The following RYR3 variants were observed in gnomAD, a reference collection of about 807,000 sequenced individuals.
RYR3 encodes the protein ryanodine receptor 3, also known as brain ryanodine receptor-calcium release channel.
A neutral mutation model predicts 584.3 loss-of-function variants in RYR3; 207 were observed. The observed-to-expected ratio is 0.35, with a 90% CI of 0.32 to 0.40. The LOEUF (loss-of-function observed/expected upper bound fraction) is 0.40. Ranked by LOEUF, RYR3 falls within the 10% of genes least tolerant of loss-of-function variation. RYR3 has a pLI of 1.00. For synonymous variants in RYR3, 2,416 were observed against 2,248.5 expected (o/e 1.07, Z -2.11); for missense variants, 5,616 against 6,089.2 (o/e 0.92, Z 2.59).
rs2053605693 is a variant in RYR3, at chr15:33,517,332, T to TC, written c.280-13260_280-13259insC. Among the ~76,000 whole-genome samples the TC allele has an allele frequency of 2.6e-5, 4 of 152,234 alleles. No homozygotes were observed. The East Asian group carries it at 7.7e-4, about 29-fold the overall frequency. The stretch of plus-strand genomic sequence containing the variant: ...AATAACCTTTCTGATTTTGTCTTTA[T>TC]AATCCAGTGATTGAAAAAGAAGCTT... On this transcript the variant is annotated intron_variant, in intron 3 of 103. Transcript: ENST00000634891.
intron 32 of RYR3, among the ~76,000 whole-genome samples, chr15:33,656,729 T>C (rs2062841190): frequency 6.6e-6 from 1 of 152,196 alleles, no homozygotes; most frequent in African/African-American, 2.4e-5. Context: ...CTGAGGCCCC[T>C]GTTTCCTTGC....
In RYR3 at chr15:33,595,165, G is replaced by A. The variant is rs1048421818; in HGVS notation, c.1789-6254G>A. On this transcript the variant is annotated intron_variant, in intron 16 of 103. Transcript: ENST00000634891. ...TTGATACTACAAAATAGGATTACAGGTCATTGTAAAGTCATTTATTTAAGT... is the reference window on the plus strand; with the variant it reads ...TTGATACTACAAAATAGGATTACAGATCATTGTAAAGTCATTTATTTAAGT... Among the ~76,000 whole-genome samples the A allele has an allele frequency of 7.2e-5, 11 of 152,230 alleles. No homozygotes were observed. The East Asian group carries it at 1.4e-3, about 19-fold the overall frequency.
rs1008609081 is a variant in RYR3 at position 33,579,674 on chromosome 15, G to A, written c.1269-302G>A. ...AGACATTCAGTGAATACCCATTGAC[G>A]CTATGTGCTGAAATATTACAGTAAT... is the stretch of plus-strand genomic sequence containing the variant. On this transcript the variant is annotated intron_variant, in intron 12 of 103. Transcript: ENST00000634891. Among the ~76,000 whole-genome samples, 4 of 152,104 alleles carry A rather than the reference G, an allele frequency of 2.6e-5. No homozygotes were observed. The East Asian group carries it at 7.7e-4, about 29-fold the overall frequency.
chr15:33,782,598 A>T (rs541905763), intron 65 of RYR3, among the ~76,000 whole-genome samples: 37 of 152,316 alleles, frequency 2.4e-4, no homozygotes, highest in African/African-American at 8.4e-4. Context: ...AGCTGTAAGA[A>T]GGTAGACTTC....
intron 52 of RYR3, among the ~76,000 whole-genome samples, chr15:33,743,270 T>C (rs1433082771): frequency 3.9e-5 from 6 of 152,168 alleles, no homozygotes; most frequent in Non-Finnish European, 7.4e-5. Context: ...GAGCTGATGA[T>C]AACAGCTATC....
At chr15:33,435,808 G>A (rs553044273) in intron 1 of RYR3, among the ~76,000 whole-genome samples, 71 of 152,292 alleles carry the variant, frequency 4.7e-4, no homozygotes, top group African/African-American at 1.7e-3. Context: ...AGAGTGAGCA[G>A]CAGCAGCAAG....
At chr15:33,327,298 C>T (rs1969841038) in intron 1 of RYR3, among the ~76,000 whole-genome samples, 1 of 152,188 alleles carries the variant, frequency 6.6e-6, no homozygotes, top group Non-Finnish European at 1.5e-5. Flanking sequence ...ATCCCTCATA[C>T]CTCACACTGT....
At chr15:33,361,938 C>T (rs963275120) in intron 1 of RYR3, among the ~76,000 whole-genome samples, 2 of 152,126 alleles carry the variant, frequency 1.3e-5, no homozygotes, top group Non-Finnish European at 2.9e-5. Context: ...CCAAGCCCAG[C>T]ATCTTCCTCA....
At chr15:33,598,566 A>G (rs2059502856) in intron 16 of RYR3, among the ~76,000 whole-genome samples, 1 of 152,076 alleles carries the variant, frequency 6.6e-6, no homozygotes, top group Non-Finnish European at 1.5e-5. Context: ...ACAGAATCCC[A>G]AACCAGTTTC....
At chr15:33,682,157 G>T (rs2064672131) in intron 38 of RYR3, among the ~76,000 whole-genome samples, 1 of 152,152 alleles carries the variant, frequency 6.6e-6, no homozygotes, top group Non-Finnish European at 1.5e-5. Flanking sequence ...TCTCATAAGG[G>T]TCACACATGG....
chr15:33,499,046 A>T (rs999544262), intron 2 of RYR3, among the ~76,000 whole-genome samples: 1 of 152,036 alleles, frequency 6.6e-6, no homozygotes, highest in African/African-American at 2.4e-5. Context: ...TTTCCTACAT[A>T]ACTTGCTCTA....
intron 1 of RYR3, among the ~76,000 whole-genome samples, chr15:33,416,488 T>G (rs1004524397): frequency 6.6e-6 from 1 of 152,180 alleles, no homozygotes; most frequent in African/African-American, 2.4e-5. Context: ...TTTGGCTATT[T>G]GTATGTCTTT....
intron 1 of RYR3, among the ~76,000 whole-genome samples, chr15:33,406,068 T>A (rs2042998271): frequency 6.6e-6 from 1 of 152,204 alleles, no homozygotes; most frequent in South Asian, 2.1e-4. Flanking sequence ...GACATGTTAT[T>A]CTGGAGATCC....
chr15:33,624,075 T>G, intron 20 of RYR3, 52 bp downstream of exon 20: 1 of 1,193,948 alleles, frequency 8.4e-7, no homozygotes, highest in African/African-American at 1.5e-5. Flanking sequence ...AGCAATAGAG[T>G]TAAATACTTC....
At chr15:33,577,776 A>G (rs8039434) in intron 12 of RYR3, among the ~76,000 whole-genome samples, 27,699 of 152,178 alleles carry the variant, frequency 0.18, 4,359 homozygotes, top group African/African-American at 0.43. Context: ...ATGGGATCCA[A>G]TTAAACTAAA....
intron 47 of RYR3, among the ~76,000 whole-genome samples, chr15:33,729,372 C>A (rs141729428): frequency 7.9e-5 from 12 of 152,186 alleles, no homozygotes; most frequent in African/African-American, 2.9e-4. Context: ...CGAATCCCTG[C>A]CAAAATCAAT....
chr15:33,863,327 A>G (rs1889191845), intron 102 of RYR3, among the ~76,000 whole-genome samples: 1 of 152,240 alleles, frequency 6.6e-6, no homozygotes. Context: ...GCGGAAAGGC[A>G]GTGAACATAC....
chr15:33,625,805 A>C (rs1293657738), intron 20 of RYR3, among the ~76,000 whole-genome samples: 1 of 152,142 alleles, frequency 6.6e-6, no homozygotes, highest in Non-Finnish European at 1.5e-5. Context: ...TGTGATGCTG[A>C]CCTTTCTCTG....
At chr15:33,740,224 A>T (rs995642024) in intron 51 of RYR3, among the ~76,000 whole-genome samples, 5 of 152,112 alleles carry the variant, frequency 3.3e-5, no homozygotes, top group African/African-American at 4.8e-5. Flanking sequence ...TTTATTTTTT[A>T]CCAGAGATAG....
Sources: allele counts gnomAD v4.1 joint callset (sites outside exome capture counted in the v4.1 genomes callset), GRCh38; gene constraint gnomAD v4.1.1; transcripts MANE v1.5; gene names NCBI Gene and HGNC (gene_info 2026-07-23, HGNC 2026-07-21).